CSMD3: variants seen among roughly 807,000 people sequenced by gnomAD.
CSMD3 encodes the protein CUB and Sushi multiple domains 3, also known as CUB and sushi domain-containing protein 3.
A neutral mutation model predicts 435.2 loss-of-function variants in CSMD3; 177 were observed. The observed-to-expected ratio is 0.41, with a 90% confidence interval of 0.36 to 0.46. The LOEUF (loss-of-function observed/expected upper bound fraction) is 0.46. Among genes scored for constraint, CSMD3 ranks in the 20% least tolerant of loss-of-function variants. The pLI, the probability that CSMD3 is intolerant of heterozygous loss-of-function variation, is 0.34. For synonymous variants in CSMD3, 1,656 were observed against 1,520.5 expected, an observed-to-expected ratio of 1.09 and a Z score of -2.07; for missense variants, 4,265 against 4,504.6, an observed-to-expected ratio of 0.95 and a Z score of 1.52.
chr8:112,337,791 G>A (rs1824721874), intron 42 of CSMD3, 60 bp from the exon 43 acceptor site: 1 of 1,306,694 alleles, frequency 7.7e-7, no homozygotes, highest in Non-Finnish European at 1.1e-6. Context: ...CACAGATAGG[G>A]TACTACAGCA....
rs766558217 is a variant in CSMD3 at position 113,376,724 on chromosome 8, G to A, written c.178+59953C>T. 3.7e-6 allele frequency: 6 copies of A among 1,613,746 alleles called. No individual in the cohort carries two copies. The African/African-American group carries it at 5.3e-5, about 14-fold the overall frequency. On this transcript the variant is annotated intron_variant, in intron 1 of 70. Coordinates refer to ENST00000297405, the MANE Select transcript of CSMD3 (RefSeq NM_198123.2). ...AAGGTTCGGCGCAAGGAGCCTAAGA[G>A]CCAGGATATCTACCTGAGGCTGTCT...
Position 112,492,493 on chromosome 8 carries a change from A to AAT in CSMD3, c.5273_5274insAT (p.Cys1758Ter). 5 of 1,612,906 alleles carry AAT rather than the reference A, an allele frequency of 3.1e-6. No individual in the cohort carries two copies. Among genetic ancestry groups the AAT allele is most frequent in the Non-Finnish European group, 4.2e-6 (5 of 1,178,908 alleles). The change falls in exon 31 of 71, where the codon TGT (cysteine) becomes TGATT (stop). Residue 1758 changes from cysteine (C) to a stop codon, truncating the protein, a stop_gained and frameshift_variant. Coordinates refer to ENST00000297405, the MANE Select transcript of CSMD3 (RefSeq NM_198123.2). LOFTEE classifies it high-confidence loss of function. ...RPGWNRALPS[C>*]HAPCGSRSTG... ...GCCAAAAAATATGTTCCTTACCATGACAACTTGGCAAGGCTCTATTCCATC... is the reference window on the plus strand; with the variant it reads ...GCCAAAAAATATGTTCCTTACCATGAATCAACTTGGCAAGGCTCTATTCCATC...
chr8:112,917,119 C>T (rs1232049035), intron 10 of CSMD3, among the ~76,000 whole-genome samples: 1 of 151,808 alleles, frequency 6.6e-6, no homozygotes, highest in Non-Finnish European at 1.5e-5. Flanking sequence ...GATGGGTAGA[C>T]CATATTGATA....
At chr8:112,483,533 G>T (rs926428466) in intron 31 of CSMD3, among the ~76,000 whole-genome samples, 2 of 152,070 alleles carry the variant, frequency 1.3e-5, no homozygotes, top group African/African-American at 4.8e-5. Context: ...TCCAGCTTCA[G>T]TCTTTACTGA....
At chr8:112,459,366 G>T (rs1485169980) in intron 32 of CSMD3, among the ~76,000 whole-genome samples, 9 of 134,836 alleles carry the variant, frequency 6.7e-5, no homozygotes, top group Non-Finnish European at 1.0e-4. Flanking sequence ...TGTGGGGGGG[G>T]GGGGTTTATT....
chr8:113,075,587 G>A (rs567009268), intron 5 of CSMD3, among the ~76,000 whole-genome samples: 1 of 151,822 alleles, frequency 6.6e-6, no homozygotes, highest in African/African-American at 2.4e-5. Flanking sequence ...GGCTTAATGA[G>A]GCCTTGGCTA....
chr8:113,265,884 G>T (rs1055268009), intron 3 of CSMD3, among the ~76,000 whole-genome samples: 1 of 151,442 alleles, frequency 6.6e-6, no homozygotes, highest in Non-Finnish European at 1.5e-5. Flanking sequence ...AAAGGTCAAG[G>T]TCTTTGCAGG....
At chr8:112,226,656 A>G (rs749708025) in intron 70 of CSMD3, among the ~76,000 whole-genome samples, 29 of 152,232 alleles carry the variant, frequency 1.9e-4, no homozygotes, top group African/African-American at 6.5e-4. Context: ...TGCAAAACAT[A>G]TATCTAATAA....
At chr8:112,394,170 C>G (rs1177299939) in intron 35 of CSMD3, among the ~76,000 whole-genome samples, 1 of 152,164 alleles carries the variant, frequency 6.6e-6, no homozygotes, top group Admixed American at 6.5e-5. Flanking sequence ...TAAGATTCAT[C>G]TTGATTTATC....
intron 1 of CSMD3, among the ~76,000 whole-genome samples, chr8:113,416,558 C>A (rs183890185): frequency 6.6e-6 from 1 of 152,158 alleles, no homozygotes; most frequent in Non-Finnish European, 1.5e-5. Context: ...TACCTCCATG[C>A]AGGTATTGAA....
At chr8:113,117,907 T>A (rs2090883133) in intron 4 of CSMD3, among the ~76,000 whole-genome samples, 1 of 152,208 alleles carries the variant, frequency 6.6e-6, no homozygotes, top group Non-Finnish European at 1.5e-5. Flanking sequence ...AATGCCTATA[T>A]CCCCATTGTA....
intron 1 of CSMD3, among the ~76,000 whole-genome samples, chr8:113,320,056 A>G (rs1011247801): frequency 2.0e-5 from 3 of 152,196 alleles, no homozygotes; most frequent in South Asian, 2.1e-4. Context: ...ATGAGATAGC[A>G]GGACATTTAG....
chr8:112,833,282 A>G (rs1161156897), intron 11 of CSMD3, among the ~76,000 whole-genome samples: 1 of 152,030 alleles, frequency 6.6e-6, no homozygotes, highest in Admixed American at 6.6e-5. Flanking sequence ...CCCTACACAC[A>G]AGCCTGACTT....
chr8:112,791,971 G>A (rs559507346), intron 13 of CSMD3, among the ~76,000 whole-genome samples: 2 of 152,164 alleles, frequency 1.3e-5, no homozygotes, highest in African/African-American at 4.8e-5. Context: ...TAACAATGAT[G>A]TTGAACATTT....
chr8:112,291,015 G>A (rs546705199), intron 56 of CSMD3, among the ~76,000 whole-genome samples: 24 of 152,006 alleles, frequency 1.6e-4, no homozygotes, highest in Middle Eastern at 6.8e-3. Context: ...GATATTCACT[G>A]ACTAGAAAGA....
At chr8:113,150,827 T>C (rs575768454) in intron 4 of CSMD3, among the ~76,000 whole-genome samples, 16 of 152,082 alleles carry the variant, frequency 1.1e-4, no homozygotes, top group African/African-American at 3.9e-4. Context: ...AGAAGGGGAA[T>C]AGTATTGTAA....
Position 113,234,487 on chromosome 8 carries a change from T to C in CSMD3, c.514+44105A>G, listed in dbSNP as rs537139141. Among the ~76,000 whole-genome samples, 39 of 152,230 alleles carry C rather than the reference T, an allele frequency of 2.6e-4. No homozygotes were observed. In the South Asian group the frequency reaches 3.7e-3, roughly 15 times the overall value. On this transcript the variant is annotated intron_variant, in intron 3 of 70. Transcript: ENST00000297405. ...GTGCCAGTCTCTATAAGTTTCTGCATTGACATTTCTGCTAGGCTGGAAACA... is the reference window on the plus strand; with the variant it reads ...GTGCCAGTCTCTATAAGTTTCTGCACTGACATTTCTGCTAGGCTGGAAACA...
chr8:113,131,676 C>T (rs1476013249), intron 4 of CSMD3, among the ~76,000 whole-genome samples: 3 of 152,146 alleles, frequency 2.0e-5, no homozygotes, highest in African/African-American at 7.2e-5. Flanking sequence ...CACAGAGTCC[C>T]CACTGGGGCA....
intron 11 of CSMD3, among the ~76,000 whole-genome samples, chr8:112,844,468 C>A (rs2080262413): frequency 6.6e-6 from 1 of 151,878 alleles, no homozygotes; most frequent in South Asian, 2.1e-4. Flanking sequence ...TAGATTATTG[C>A]AAAAATATGA....
Sources: gnomAD v4.1 joint callset for allele counts (sites outside exome capture counted in the v4.1 genomes callset) on GRCh38, gnomAD v4.1.1 for gene constraint, MANE v1.5 for transcripts, NCBI Gene and HGNC (gene_info 2026-07-23, HGNC 2026-07-21) for gene names.